The following MAP3K11 variants were observed in gnomAD, a reference collection of about 807,000 sequenced individuals.
MAP3K11 encodes SH3 domain-containing proline-rich kinase.
A neutral mutation model predicts 84.9 loss-of-function variants in MAP3K11; 46 were observed. The ratio of observed to expected loss-of-function variants is 0.54; its 90% CI spans 0.43 to 0.69. The LOEUF (loss-of-function observed/expected upper bound fraction) is 0.69, where lower values mean the gene tolerates loss of function less well. MAP3K11 is among the 30% of genes least tolerant of loss of function. The probability of loss-of-function intolerance (pLI) is 0.00; values close to 1 mark genes in which losing one functional copy is unlikely to be tolerated. For missense variants in MAP3K11, 1,053 were observed against 1,198.3 expected (o/e 0.88, Z 1.79); for synonymous variants, 527 against 514.7 (o/e 1.02, Z -0.32).
chr11:65,604,158 C>A (rs1217341849), intron 8 of MAP3K11, among the ~76,000 whole-genome samples: 3 of 152,236 alleles, frequency 2.0e-5, no homozygotes, highest in African/African-American at 4.8e-5. Flanking sequence ...AATATATGGG[C>A]TAATAAGTAG....
chr11:65,602,562 C>T (rs1002501472), intron 8 of MAP3K11, among the ~76,000 whole-genome samples: 1 of 151,976 alleles, frequency 6.6e-6, no homozygotes, highest in African/African-American at 2.4e-5. Context: ...AGGAGAATCA[C>T]TTGAACCTGG....
intron 8 of MAP3K11, among the ~76,000 whole-genome samples, chr11:65,604,179 T>G (rs1854483282): frequency 6.6e-6 from 1 of 152,280 alleles, no homozygotes; most frequent in South Asian, 2.1e-4. Context: ...TTTCTCTTCA[T>G]AAATAATTAA....
Position 65,607,657 on chromosome 11 carries a change from A to T in MAP3K11, c.1229T>A (p.Leu410Gln). 6.2e-7 allele frequency: 1 copy of T among 1,608,892 alleles called. No individual in the cohort carries two copies. Among genetic ancestry groups the T allele is most frequent in the South Asian group, 1.1e-5 (1 of 90,872 alleles). Residue 410 changes from leucine (L) to glutamine (Q), a missense_variant, in exon 4 of 10, where the codon CTG (leucine) becomes CAG (glutamine). Physicochemically the swap from Leu to Gln is moderately radical, Grantham distance 113. Transcript: ENST00000309100. ...KREIQGLFDE[L>Q]RAKEKELLSR... ...TCCTCGCACCTTTTCCTTGGCTCGC[A>T]GCTCGTCGAAGAGACCCTGGATCTC...
intron 8 of MAP3K11, among the ~76,000 whole-genome samples, chr11:65,601,246 C>T (rs1380054614): frequency 6.6e-6 from 1 of 152,168 alleles, no homozygotes; most frequent in African/African-American, 2.4e-5. Context: ...GGTGGCTGAC[C>T]TTTCCCACCT....
In MAP3K11 at chr11:65,613,710, C is replaced by T. The variant is rs747598736; in HGVS notation, c.47G>A (p.Trp16Ter). The T allele has an allele frequency of 6.2e-7, 1 of 1,605,570 alleles. No homozygotes were observed. Among genetic ancestry groups the T allele is most frequent in the Non-Finnish European group, 8.5e-7 (1 of 1,176,964 alleles). Residue 16 changes from tryptophan to a stop codon, truncating the protein, a stop_gained, in exon 1 of 10, where the codon TGG becomes TAG. Coordinates refer to ENST00000309100, the MANE Select transcript of MAP3K11 (RefSeq NM_002419.4). LOFTEE classifies it high-confidence loss of function. ...ACCACCCCCGCTGCCACTGCCATTCCATGACCCTAGAGGGCTCTTGAGGAA... is the reference window on the plus strand; with the variant it reads ...ACCACCCCCGCTGCCACTGCCATTCTATGACCCTAGAGGGCTCTTGAGGAA... ...SLFLKSPLGS[W>*]NGSGSGGGGG...
intron 8 of MAP3K11, among the ~76,000 whole-genome samples, chr11:65,602,202 C>CA (rs34876918): frequency 0.018 from 1,622 of 90,268 alleles, 45 homozygotes; most frequent in African/African-American, 0.066. Context: ...GACTCCATCT[C>CA]AAAAAAAAAA....
chr11:65,605,060 C>T (rs1320644950), intron 8 of MAP3K11, among the ~76,000 whole-genome samples: 1 of 152,186 alleles, frequency 6.6e-6, no homozygotes, highest in African/African-American at 2.4e-5. Context: ...GAGCTGAAGC[C>T]TCTCTGGGTT....
rs1202562074 is a variant in MAP3K11, at chr11:65,598,420, C to T, written c.2415G>A (p.Leu805=). The T allele has an allele frequency of 2.5e-6, 4 of 1,594,090 alleles. No homozygotes were observed. The highest frequency in any genetic ancestry group is 1.3e-5 in the African/African-American group (1 of 74,682). Residue 805 remains leucine (L), a synonymous_variant, in exon 10 of 10, where the codon TTG becomes TTA. Coordinates refer to ENST00000309100, the MANE Select transcript of MAP3K11 (RefSeq NM_002419.4). ...QPAPRRAPWT[L]FPDSDPFWDS... ...CCCAGAAGGGGTCTGAGTCCGGGAA[C>T]AAGGTCCAGGGTGCTCGGCGGGGTG...
intron 5 of MAP3K11, 146 bp from the exon 6 acceptor site, chr11:65,606,950 T>C: frequency 1.6e-6 from 1 of 606,246 alleles, no homozygotes. Context: ...CACTGCTTTC[T>C]TGAGCCCCTG....
At position 65,612,571 on chromosome 11, in the gene MAP3K11, C is replaced by A. The variant is rs561533737; in HGVS notation, c.739+447G>T. The A allele has an allele frequency of 1.3e-4, 20 of 158,118 alleles. No homozygotes were observed. The South Asian group carries it at 3.8e-3, about 30-fold the overall frequency. 9.8% of individuals were successfully genotyped at this position (158,118 alleles called of 1,614,324 possible). ...CCAGCCCTGGCCTTAGCCTTGACTGCCAAGGAGGGCTTCCCTCTCTGAGAT... is the reference window on the plus strand; with the variant it reads ...CCAGCCCTGGCCTTAGCCTTGACTGACAAGGAGGGCTTCCCTCTCTGAGAT... On this transcript the variant is annotated intron_variant, in intron 1 of 9. Transcript: ENST00000309100.
At chr11:65,608,133 A>G in intron 2 of MAP3K11, 63 bp from the exon 3 acceptor site, 1 of 1,599,988 alleles carries the variant, frequency 6.3e-7, no homozygotes, top group Non-Finnish European at 8.6e-7. Context: ...CCTTACTGCC[A>G]CTTCACCCAA....
At chr11:65,606,472 TTAG>T (rs1243742764) in intron 6 of MAP3K11, 99 of 422,316 alleles carry the variant, frequency 2.3e-4, no homozygotes, top group Non-Finnish European at 3.6e-4. Flanking sequence ...ATTTAGAAAA[TTAG>T]TAGTACATAG....
At position 65,608,393 on chromosome 11, in the gene MAP3K11, G is replaced by A. The variant is rs761799177; in HGVS notation, c.795C>T (p.Ile265=). 1.9e-6 allele frequency: 3 copies of A among 1,614,236 alleles called. No individual in the cohort carries two copies. Among genetic ancestry groups the A allele is most frequent in the African/African-American group, 2.7e-5 (2 of 75,066 alleles). Residue 265 remains isoleucine, a synonymous_variant, in exon 2 of 10, where the codon ATC becomes ATT. Coordinates refer to ENST00000309100, the MANE Select transcript of MAP3K11 (RefSeq NM_002419.4). ...ACTCTCGGGCCAGGCCAAAGTCGGT[G>A]ATCTTCAGGGTCTTGTGCTCCATGT... ...SDDMEHKTLK[I]TDFGLAREWH...
chr11:65,598,552 C>G lies in MAP3K11; in HGVS notation c.2283G>C (p.Leu761=). 6.2e-7 allele frequency: 1 copy of G among 1,609,064 alleles called. No homozygotes were observed. The highest frequency in any genetic ancestry group is 8.5e-7 in the Non-Finnish European group (1 of 1,177,484). The part of the protein sequence containing the change: ...GTPGTPRSPP[L]GLISRPRPSP... Reference sequence around the variant, plus strand: ...AGGGCCGAGGTCGGCTGATGAGGCCCAGGGGTGGTGAACGTGGGGTGCCTG... The same window carrying G: ...AGGGCCGAGGTCGGCTGATGAGGCCGAGGGGTGGTGAACGTGGGGTGCCTG... Residue 761 remains leucine (L), a synonymous_variant, in exon 10 of 10, where the codon CTG becomes CTC. Transcript: ENST00000309100.
At chr11:65,603,051 C>T (rs117393001) in intron 8 of MAP3K11, among the ~76,000 whole-genome samples, 2,226 of 152,070 alleles carry the variant, frequency 0.015, 19 homozygotes, top group Non-Finnish European at 0.023. Flanking sequence ...TGCAGTGAGC[C>T]ATGATCATGC....
chr11:65,600,288 C>G (rs1208589480), intron 8 of MAP3K11, among the ~76,000 whole-genome samples: 1 of 152,214 alleles, frequency 6.6e-6, no homozygotes, highest in Non-Finnish European at 1.5e-5. Context: ...ATCCCTGTCT[C>G]TATTCTAGAA....
chr11:65,608,326 A>G lies in MAP3K11; in HGVS notation c.862T>C (p.Trp288Arg). The G allele has an allele frequency of 6.2e-7, 1 of 1,614,232 alleles. No individual in the cohort carries two copies. Among genetic ancestry groups the G allele is most frequent in the Non-Finnish European group, 8.5e-7 (1 of 1,180,032 alleles). Residue 288 changes from tryptophan (W) to arginine (R), a missense_variant, in exon 2 of 10, where the codon TGG (tryptophan) becomes CGG (arginine). Trp to Arg is a moderately radical substitution (Grantham distance 101, BLOSUM62 -3). This residue lies in a region of MAP3K11 where 310 missense variants were observed against 464.5 expected (regional missense o/e 0.67). Transcript: ENST00000309100. ...TQMSAAGTYAWMAPEVIKAST... is the reference protein window; with the variant it reads ...TQMSAAGTYARMAPEVIKAST... Reference sequence around the variant, plus strand: ...GCCTTGATAACCTCAGGAGCCATCCAGGCGTAGGTGCCCGCGGCACTCATT... The same window carrying G: ...GCCTTGATAACCTCAGGAGCCATCCGGGCGTAGGTGCCCGCGGCACTCATT...
chr11:65,600,542 C>G (rs1565142308), intron 8 of MAP3K11, among the ~76,000 whole-genome samples: 1 of 152,212 alleles, frequency 6.6e-6, no homozygotes, highest in Non-Finnish European at 1.5e-5. Flanking sequence ...CACCATTTCC[C>G]AGCCAGACTC....
intron 1 of MAP3K11, chr11:65,608,657 G>A (rs1854540475): frequency 3.7e-6 from 2 of 539,942 alleles, no homozygotes; most frequent in Non-Finnish European, 6.6e-6. Context: ...TGCTCTTGTT[G>A]CCCAGGCTGG....
Sources: gnomAD v4.1 joint callset for allele counts (sites outside exome capture counted in the v4.1 genomes callset) on GRCh38, gnomAD v4.1.1 for gene constraint, gnomAD v4.1.1 regional missense constraint, MANE v1.5 for transcripts, NCBI Gene and HGNC (gene_info 2026-07-23, HGNC 2026-07-21) for gene names.